Variants in LRRC37A2 observed in about 807,000 individuals in gnomAD.
LRRC37A2 encodes the protein leucine-rich repeat-containing protein 37A2.
LRRC37A2 carries 9 observed loss-of-function variants against 68.8 expected under a neutral mutation model. The ratio of observed to expected loss-of-function variants is 0.13; its 90% CI spans 0.08 to 0.23. The LOEUF is 0.23. Among genes scored for constraint, LRRC37A2 ranks in the 10% least tolerant of loss-of-function variants. The pLI, the probability that LRRC37A2 is intolerant of heterozygous loss-of-function variation, is 1.00. For missense variants in LRRC37A2, 168 were observed against 950.4 expected (o/e 0.18, Z 10.82); for synonymous variants, 63 against 367.6 (o/e 0.17, Z 9.48).
chr17:46,979,421 C>A, the LRRC37A2 span, among the ~76,000 whole-genome samples: 3 of 152,294 alleles, frequency 2.0e-5, no homozygotes, highest in South Asian at 6.2e-4. Context: ...GATCCGGCAG[C>A]CTCTGTCCGC....
chr17:46,945,159 G>T, the LRRC37A2 span, among the ~76,000 whole-genome samples: 1 of 152,238 alleles, frequency 6.6e-6, no homozygotes, highest in South Asian at 2.1e-4. Context: ...CGAGGGGCAG[G>T]AGTGGCCTGG....
the LRRC37A2 span, among the ~76,000 whole-genome samples, chr17:46,950,531 G>A: frequency 2.2e-4 from 33 of 152,234 alleles, no homozygotes; most frequent in Admixed American, 1.0e-3. Flanking sequence ...GGAAATGGAA[G>A]GGTAATTGGA....
chr17:46,827,162 A>T, the LRRC37A2 span, among the ~76,000 whole-genome samples: 5 of 152,128 alleles, frequency 3.3e-5, no homozygotes, highest in Non-Finnish European at 7.3e-5. Context: ...TTCCTCCAGG[A>T]TGGCAGAGGC....
the LRRC37A2 span, chr17:46,872,795 C>T: frequency 1.4e-4 from 112 of 788,986 alleles, 1 homozygote; most frequent in Middle Eastern, 4.1e-4. Flanking sequence ...GGCTAGGGGA[C>T]GGGGAGGGCT....
chr17:46,737,783 C>T, the LRRC37A2 span, among the ~76,000 whole-genome samples: 7 of 152,002 alleles, frequency 4.6e-5, no homozygotes, highest in African/African-American at 7.2e-5. Context: ...ATAGTAGTTT[C>T]GGATCCTGGT....
the LRRC37A2 span, among the ~76,000 whole-genome samples, chr17:46,893,516 G>T: frequency 6.6e-6 from 1 of 152,056 alleles, no homozygotes. Context: ...GGCATTTATG[G>T]GTCTCTCCTA....
At chr17:46,401,038 A>G in the LRRC37A2 span, among the ~76,000 whole-genome samples, 1 of 112,378 alleles carries the variant, frequency 8.9e-6, no homozygotes, top group South Asian at 3.9e-4. Flanking sequence ...ATCGTTCTGT[A>G]TATTTTGAAC....
At chr17:46,902,107 C>T in the LRRC37A2 span, among the ~76,000 whole-genome samples, 2 of 152,284 alleles carry the variant, frequency 1.3e-5, no homozygotes, top group Non-Finnish European at 2.9e-5. Flanking sequence ...GGCACTGGGC[C>T]GCAAGATCTT....
the LRRC37A2 span, among the ~76,000 whole-genome samples, chr17:46,868,874 A>C: frequency 1.6e-4 from 25 of 152,218 alleles, no homozygotes; most frequent in Non-Finnish European, 5.9e-5. Flanking sequence ...TCTGGGGTCT[A>C]GGAAGATACC....
At chr17:46,825,964 G>A in the LRRC37A2 span, among the ~76,000 whole-genome samples, 5 of 152,312 alleles carry the variant, frequency 3.3e-5, no homozygotes, top group South Asian at 2.1e-4. Flanking sequence ...CGGAGGTTGC[G>A]GTGAGCCAAG....
the LRRC37A2 span, among the ~76,000 whole-genome samples, chr17:46,759,452 T>C: frequency 6.6e-6 from 1 of 152,234 alleles, no homozygotes; most frequent in Admixed American, 6.5e-5. Flanking sequence ...GGAGGGATCA[T>C]GTTTGAAATT....
the LRRC37A2 span, among the ~76,000 whole-genome samples, chr17:46,662,700 C>T: frequency 7.2e-6 from 1 of 139,424 alleles, no homozygotes; most frequent in Non-Finnish European, 1.6e-5. Flanking sequence ...TAAGCTAATT[C>T]TCCTAAGCTT....
the LRRC37A2 span, chr17:46,749,922 A>G: frequency 5.6e-6 from 9 of 1,613,386 alleles, no homozygotes; most frequent in East Asian, 1.1e-4. Flanking sequence ...AAATGAGTCA[A>G]TGGATTGCAC....
the LRRC37A2 span, among the ~76,000 whole-genome samples, chr17:46,806,376 A>G: frequency 6.6e-6 from 1 of 151,534 alleles, no homozygotes; most frequent in African/African-American, 2.4e-5. Flanking sequence ...CGCCCGGCTA[A>G]TTTTGTATTT....
chr17:46,978,521 C>CGGACGCCCCAGGCACGTAGCT, the LRRC37A2 span: 1 of 1,223,158 alleles, frequency 8.2e-7, no homozygotes, highest in Non-Finnish European at 1.1e-6. Flanking sequence ...CGTCCCCGCC[C>CGGACGCCCCAGGCACGTAGCT]GGGCGCCCCA....
At chr17:46,503,341 A>C in the LRRC37A2 span, among the ~76,000 whole-genome samples, 1 of 149,714 alleles carries the variant, frequency 6.7e-6, no homozygotes, top group Non-Finnish European at 1.5e-5. Flanking sequence ...CAGACCATCT[A>C]TCCTGTATTG....
the LRRC37A2 span, among the ~76,000 whole-genome samples, chr17:46,680,291 G>A: frequency 5.9e-5 from 9 of 151,754 alleles, no homozygotes; most frequent in African/African-American, 2.2e-4. Flanking sequence ...AACAGACCAA[G>A]GAAACAATAG....
chr17:46,502,797 G>A, the LRRC37A2 span, among the ~76,000 whole-genome samples: 9 of 151,338 alleles, frequency 5.9e-5, no homozygotes, highest in Non-Finnish European at 7.3e-5. Context: ...GTTATCCAAG[G>A]TGACAACTGT....
the LRRC37A2 span, among the ~76,000 whole-genome samples, chr17:46,415,280 GCATTATGA>G: frequency 2.1e-5 from 1 of 47,606 alleles, no homozygotes; most frequent in Non-Finnish European, 4.4e-5. Context: ...ACATATATAT[GCATTATGA>G]CATTATGATA....
Sources: gnomAD v4.1 joint callset for allele counts (sites outside exome capture counted in the v4.1 genomes callset) on GRCh38, gnomAD v4.1.1 for gene constraint, MANE v1.5 for transcripts, NCBI Gene and HGNC (gene_info 2026-07-23, HGNC 2026-07-21) for gene names.